The following CIMIP3 variants were observed in gnomAD, a reference collection of about 807,000 sequenced individuals.
The protein encoded by CIMIP3 is GUCA1A neighbor.
the CIMIP3 span, chr6:42,155,708 A>G: frequency 1.4e-6 from 1 of 704,210 alleles, no homozygotes; most frequent in East Asian, 2.7e-5. Flanking sequence ...GAGAGGGAAC[A>G]GGACACCCTC....
At chr6:42,162,283 G>A in the CIMIP3 span, among the ~76,000 whole-genome samples, 16 of 149,852 alleles carry the variant, frequency 1.1e-4, no homozygotes, top group South Asian at 4.3e-4. Flanking sequence ...GCGTGGTGGC[G>A]GGTGCCTGTA....
the CIMIP3 span, among the ~76,000 whole-genome samples, chr6:42,160,366 G>A: frequency 6.6e-6 from 1 of 152,134 alleles, no homozygotes; most frequent in Non-Finnish European, 1.5e-5. Flanking sequence ...CTGTGCCCTG[G>A]GGCTGAGCCT....
the CIMIP3 span, among the ~76,000 whole-genome samples, chr6:42,162,318 G>C: frequency 6.6e-6 from 1 of 151,760 alleles, no homozygotes; most frequent in Non-Finnish European, 1.5e-5. Flanking sequence ...AGGAGGCTGA[G>C]GCAGAAGAAT....
the CIMIP3 span, among the ~76,000 whole-genome samples, chr6:42,158,682 T>G: frequency 6.6e-6 from 1 of 152,224 alleles, no homozygotes; most frequent in Non-Finnish European, 1.5e-5. Flanking sequence ...AGCCTCAGTT[T>G]CCTTATCTGA....
chr6:42,155,801 T>G, the CIMIP3 span, among the ~76,000 whole-genome samples: 2 of 152,272 alleles, frequency 1.3e-5, no homozygotes, highest in Admixed American at 6.5e-5. Context: ...CAAGGCAAAC[T>G]TGAGATAAAT....
chr6:42,163,164 G>A, the CIMIP3 span: 3 of 631,670 alleles, frequency 4.7e-6, no homozygotes, highest in Admixed American at 7.4e-5. Context: ...AAGCCTACCT[G>A]TGGCTACCTG....
At chr6:42,160,082 T>C in the CIMIP3 span, among the ~76,000 whole-genome samples, 1 of 151,952 alleles carries the variant, frequency 6.6e-6, no homozygotes. Context: ...ACCTCCTGGG[T>C]TCAAGCCATC....
At chr6:42,160,104 A>G in the CIMIP3 span, among the ~76,000 whole-genome samples, 2 of 151,534 alleles carry the variant, frequency 1.3e-5, no homozygotes. Context: ...TCCTGCCTCA[A>G]CCTCCTGAGT....
chr6:42,155,649 C>G, the CIMIP3 span: 7 of 716,908 alleles, frequency 9.8e-6, no homozygotes, highest in Non-Finnish European at 1.8e-5. Flanking sequence ...TGCTGCCTGC[C>G]TTGTACTCCC....
chr6:42,161,532 G>T, the CIMIP3 span, among the ~76,000 whole-genome samples: 2 of 152,154 alleles, frequency 1.3e-5, no homozygotes, highest in Non-Finnish European at 2.9e-5. Flanking sequence ...AAGGTGAACA[G>T]GATAGCTTGG....
chr6:42,162,549 G>T, the CIMIP3 span, among the ~76,000 whole-genome samples: 11 of 151,392 alleles, frequency 7.3e-5, no homozygotes, highest in East Asian at 1.8e-3. Flanking sequence ...AAGGCCTGAC[G>T]GAGCAGTGGC....
chr6:42,157,572 T>C, the CIMIP3 span, among the ~76,000 whole-genome samples: 1 of 145,840 alleles, frequency 6.9e-6, no homozygotes, highest in Non-Finnish European at 1.5e-5. Flanking sequence ...TTTTTTTTAA[T>C]AGAGATGGGG....
the CIMIP3 span, among the ~76,000 whole-genome samples, chr6:42,156,169 T>C: frequency 6.6e-6 from 1 of 152,090 alleles, no homozygotes; most frequent in South Asian, 2.1e-4. Flanking sequence ...AATTTTTTTG[T>C]ATTTTTAGTA....
the CIMIP3 span, chr6:42,163,005 G>A: frequency 3.8e-4 from 273 of 716,588 alleles, 1 homozygote; most frequent in Non-Finnish European, 5.6e-4. Flanking sequence ...TCCCGGCCCC[G>A]GGCGTGGAAG....
At chr6:42,163,117 G>C in the CIMIP3 span, 1 of 709,992 alleles carries the variant, frequency 1.4e-6, no homozygotes, top group Non-Finnish European at 2.6e-6. Context: ...ACACCTCCCA[G>C]TACTCCAACT....
the CIMIP3 span, among the ~76,000 whole-genome samples, chr6:42,161,754 C>T: frequency 4.6e-4 from 70 of 152,038 alleles, no homozygotes; most frequent in Non-Finnish European, 8.2e-4. Flanking sequence ...GGAAAGTGAG[C>T]GGGTACCCCT....
chr6:42,159,425 G>A, the CIMIP3 span, among the ~76,000 whole-genome samples: 1 of 152,206 alleles, frequency 6.6e-6, no homozygotes, highest in Admixed American at 6.5e-5. Flanking sequence ...GGTTGTGAAT[G>A]AACGAATGAA....
chr6:42,162,716 C>T, the CIMIP3 span, among the ~76,000 whole-genome samples: 1 of 152,174 alleles, frequency 6.6e-6, no homozygotes, highest in African/African-American at 2.4e-5. Flanking sequence ...CAGAGTTCTG[C>T]AGCAGCAGGG....
chr6:42,161,555 T>C, the CIMIP3 span, among the ~76,000 whole-genome samples: 32 of 152,006 alleles, frequency 2.1e-4, no homozygotes, highest in African/African-American at 7.7e-4. Flanking sequence ...ACAGGAAGGG[T>C]AGTGACAGAG....
Sources: allele counts gnomAD v4.1 joint callset (sites outside exome capture counted in the v4.1 genomes callset), GRCh38; gene constraint gnomAD v4.1.1; transcripts MANE v1.5; gene names NCBI Gene and HGNC (gene_info 2026-07-23, HGNC 2026-07-21).